The following ZNF609 variants were observed in gnomAD, a reference collection of about 807,000 sequenced individuals.
ZNF609 encodes zinc finger protein 609.
A neutral mutation model predicts 109.5 loss-of-function variants in ZNF609; 11 were observed. The observed-to-expected ratio is 0.10, with a 90% confidence interval of 0.06 to 0.17. The LOEUF (loss-of-function observed/expected upper bound fraction) is 0.17. ZNF609 is among the 10% of genes least tolerant of loss of function. The probability of loss-of-function intolerance (pLI) is 1.00; values close to 1 mark genes in which losing one functional copy is unlikely to be tolerated. For missense variants in ZNF609, 1,559 were observed against 1,772.4 expected, an observed-to-expected ratio of 0.88 and a Z score of 2.16; for synonymous variants, 646 against 662.0, an observed-to-expected ratio of 0.98 and a Z score of 0.37.
At chr15:64,594,406 C>G (rs2140941422) in intron 2 of ZNF609, among the ~76,000 whole-genome samples, 1 of 151,390 alleles carries the variant, frequency 6.6e-6, no homozygotes, top group South Asian at 2.1e-4. Flanking sequence ...GATCTCAGCT[C>G]ACTGCAACCT....
intron 2 of ZNF609, among the ~76,000 whole-genome samples, chr15:64,549,774 T>A (rs1894433649): frequency 6.6e-6 from 1 of 152,158 alleles, no homozygotes; most frequent in Admixed American, 6.6e-5. Flanking sequence ...TTTTTATTTT[T>A]CATTTTTGGG....
At chr15:64,630,138 C>T (rs1288176077) in intron 3 of ZNF609, among the ~76,000 whole-genome samples, 22 of 138,880 alleles carry the variant, frequency 1.6e-4, no homozygotes, top group African/African-American at 5.7e-5. Flanking sequence ...CGCTCTGTTG[C>T]CCGGGGTACA....
chr15:64,582,613 G>T (rs954591860), intron 2 of ZNF609, among the ~76,000 whole-genome samples: 2 of 151,742 alleles, frequency 1.3e-5, no homozygotes. Context: ...GTGTCTACAT[G>T]TGGCTGAAAA....
chr15:64,588,427 A>AT lies in ZNF609; in HGVS notation c.748-34400_748-34399insT, dbSNP rs1491114286. Among the ~76,000 whole-genome samples the AT allele has an allele frequency of 1.6e-4, 17 of 103,610 alleles. 1 individual carries two copies. Among genetic ancestry groups the AT allele is most frequent in the Admixed American group, 1.2e-3 (12 of 10,400 alleles). 68.0% of individuals were successfully genotyped at this position (103,610 alleles called of 152,430 possible). On this transcript the variant is annotated intron_variant, in intron 2 of 9. Transcript: ENST00000326648. ...TGCGTAACAGAGCGACACTCTGTCT[A>AT]AAAAAAAAAAAAAAAAAGAAGAGGA...
chr15:64,479,251 C>T (rs1264438579), intron 1 of ZNF609, among the ~76,000 whole-genome samples: 1 of 147,210 alleles, frequency 6.8e-6, no homozygotes, highest in African/African-American at 2.5e-5. Context: ...ACATTTTCTG[C>T]CAATAACAAA....
At chr15:64,486,118 A>C (rs1893329175) in intron 1 of ZNF609, among the ~76,000 whole-genome samples, 1 of 152,086 alleles carries the variant, frequency 6.6e-6, no homozygotes, top group South Asian at 2.1e-4. Context: ...CCCATCTCCC[A>C]CAATAAGATT....
At chr15:64,504,280 C>T (rs1383833885) in intron 2 of ZNF609, among the ~76,000 whole-genome samples, 2 of 152,164 alleles carry the variant, frequency 1.3e-5, no homozygotes, top group Non-Finnish European at 2.9e-5. Context: ...TTATCTTGTC[C>T]AATTTCCTCA....
In ZNF609 at chr15:64,482,134, T is replaced by C. The variant is rs984472689; in HGVS notation, c.-127-17159T>C. 3.7e-4 allele frequency among the ~76,000 whole-genome samples: 56 copies of C among 152,184 alleles called. 1 individual carries two copies. The highest frequency in any genetic ancestry group is 1.0e-3 in the South Asian group (5 of 4,826). On this transcript the variant is annotated intron_variant, in intron 1 of 9. Coordinates refer to ENST00000326648, the MANE Select transcript of ZNF609 (RefSeq NM_015042.2). The stretch of plus-strand genomic sequence containing the variant: ...ATAATGAAAAGGTCAGCTAGAGAAT[T>C]GGTAAGACTACTTAATCATGGTGTG...
In ZNF609 at chr15:64,678,311, C is replaced by G. The variant is rs768521202; in HGVS notation, c.3598C>G (p.Arg1200Gly). Reference sequence around the variant, plus strand: ...CAAGCTGCCCACGTCAGAGGAGTCTCGCCTTGGGAGCAAGGAGCCCCGGCC... The same window carrying G: ...CAAGCTGCCCACGTCAGAGGAGTCTGGCCTTGGGAGCAAGGAGCCCCGGCC... ...DCKLPTSEESRLGSKEPRPSV... is the reference protein window; with the variant it reads ...DCKLPTSEESGLGSKEPRPSV... The change falls in exon 6 of 10, where the codon CGC (arginine) becomes GGC (glycine). Residue 1200 changes from arginine (R) to glycine (G), a missense_variant. Physicochemically the swap from Arg to Gly is moderately radical, Grantham distance 125 (BLOSUM62 -2). This residue lies in a region of ZNF609 where 1,204 missense variants were observed against 1,314.1 expected (regional missense o/e 0.92). Coordinates refer to ENST00000326648, the MANE Select transcript of ZNF609 (RefSeq NM_015042.2). 2.5e-6 allele frequency: 4 copies of G among 1,614,164 alleles called. No homozygotes were observed. The highest frequency in any genetic ancestry group is 3.4e-6 in the Non-Finnish European group (4 of 1,180,026).
intron 2 of ZNF609, among the ~76,000 whole-genome samples, chr15:64,614,525 G>A (rs1376507836): frequency 2.6e-5 from 4 of 152,030 alleles, no homozygotes; most frequent in Non-Finnish European, 4.4e-5. Flanking sequence ...GAGCCACCGC[G>A]CCTGGCCTTT....
At chr15:64,560,364 T>C (rs1894656648) in intron 2 of ZNF609, among the ~76,000 whole-genome samples, 1 of 151,590 alleles carries the variant, frequency 6.6e-6, no homozygotes, top group Non-Finnish European at 1.5e-5. Flanking sequence ...GTTTTTTAAT[T>C]TGTTTTTTTT....
chr15:64,672,885 A>AC (rs1896756270), intron 4 of ZNF609, among the ~76,000 whole-genome samples: 2 of 150,914 alleles, frequency 1.3e-5, no homozygotes. Context: ...AACCACTTGA[A>AC]CTAGGGAGTT....
intron 2 of ZNF609, among the ~76,000 whole-genome samples, chr15:64,609,284 C>T (rs1195086507): frequency 6.6e-6 from 1 of 151,700 alleles, no homozygotes; most frequent in Non-Finnish European, 1.5e-5. Flanking sequence ...TTCCTGGGTT[C>T]AAGCAATTGT....
intron 3 of ZNF609, among the ~76,000 whole-genome samples, chr15:64,663,649 C>G (rs1332380155): frequency 1.3e-5 from 2 of 151,950 alleles, no homozygotes; most frequent in African/African-American, 4.8e-5. Context: ...GGAGGAAAAC[C>G]AGGAGAGTAT....
chr15:64,474,268 C>T (rs1331220227), intron 1 of ZNF609, among the ~76,000 whole-genome samples: 2 of 149,996 alleles, frequency 1.3e-5, no homozygotes, highest in Admixed American at 6.7e-5. Flanking sequence ...GGCTGGAGTG[C>T]AATGGCACAA....
chr15:64,549,022 A>T (rs754079234), intron 2 of ZNF609, among the ~76,000 whole-genome samples: 34 of 152,050 alleles, frequency 2.2e-4, no homozygotes, highest in Non-Finnish European at 4.0e-4. Flanking sequence ...AGGCACATGA[A>T]TTTTTTTTAT....
In ZNF609 at chr15:64,675,675, A is replaced by G; in HGVS notation, c.2821A>G (p.Asn941Asp). Residue 941 changes from asparagine to aspartate, a missense_variant, in exon 5 of 10, where the codon AAC (asparagine) becomes GAC (aspartate). By Grantham distance (23) the Asn-to-Asp change is conservative. This residue lies in a region of ZNF609 where 1,204 missense variants were observed against 1,314.1 expected (regional missense o/e 0.92). Coordinates refer to ENST00000326648, the MANE Select transcript of ZNF609 (RefSeq NM_015042.2). ...EPESIEGKVKNDICEEKKPEL... is the reference protein window; with the variant it reads ...EPESIEGKVKDDICEEKKPEL... ...TGAGAGCATAGAAGGGAAAGTGAAG[A>G]ACGATATCTGTGAAGAAAAGAAGCC... 5.0e-6 allele frequency: 8 copies of G among 1,614,068 alleles called. No individual in the cohort carries two copies. Among genetic ancestry groups the G allele is most frequent in the Non-Finnish European group, 6.8e-6 (8 of 1,179,994 alleles).
rs1352440382 is a variant in ZNF609 at position 64,577,365 on chromosome 15, GTA to G, written c.748-45453_748-45452del. Among the ~76,000 whole-genome samples the G allele has an allele frequency of 3.0e-3, 26 of 8,542 alleles. 9 individuals carry two copies. The highest frequency in any genetic ancestry group is 4.0e-3 in the African/African-American group (19 of 4,788). 5.6% of individuals were successfully genotyped at this position (8,542 alleles called of 152,430 possible). On this transcript the variant is annotated intron_variant, in intron 2 of 9. Coordinates refer to ENST00000326648, the MANE Select transcript of ZNF609 (RefSeq NM_015042.2). Reference sequence around the variant, plus strand: ...TATATGTATATATATACACATATATGTATATATATACACATATAAATATATAC... The same window carrying G: ...TATATGTATATATATACACATATATGTATATATACACATATAAATATATAC...
At chr15:64,560,109 A>G (rs1392802415) in intron 2 of ZNF609, among the ~76,000 whole-genome samples, 1 of 152,104 alleles carries the variant, frequency 6.6e-6, no homozygotes. Flanking sequence ...GCAGTGGCAC[A>G]ATCTCAGCTC....
Sources: allele counts gnomAD v4.1 joint callset (sites outside exome capture counted in the v4.1 genomes callset), GRCh38; gene constraint gnomAD v4.1.1; regional missense constraint gnomAD v4.1.1; transcripts MANE v1.5; gene names NCBI Gene and HGNC (gene_info 2026-07-23, HGNC 2026-07-21).